Variants in ABCA3 observed in about 807,000 individuals in gnomAD.
ABCA3 encodes the protein ATP binding cassette subfamily A member 3.
Under a neutral mutation model 172.8 loss-of-function variants are expected in ABCA3, and 88 were observed. The ratio of observed to expected loss-of-function variants is 0.51; its 90% CI spans 0.43 to 0.61. The LOEUF (loss-of-function observed/expected upper bound fraction) is 0.61. Ranked by LOEUF, ABCA3 falls within the 20% of genes least tolerant of loss-of-function variation. ABCA3 has a pLI of 0.00. For synonymous variants in ABCA3, 1,066 were observed against 983.8 expected (o/e 1.08, Z -1.56); for missense variants, 2,164 against 2,301.0 (o/e 0.94, Z 1.22).
intron 1 of ABCA3, among the ~76,000 whole-genome samples, chr16:2,336,725 C>G (rs941886333): frequency 5.3e-5 from 8 of 151,564 alleles, no homozygotes; most frequent in Non-Finnish European, 1.0e-4. Context: ...CAGGCGTGAG[C>G]CACCTCGTCT....
rs2141693750 is a variant in ABCA3, at chr16:2,284,288, T to G, written c.3853A>C (p.Lys1285Gln). 1 of 1,613,504 alleles carries G rather than the reference T, an allele frequency of 6.2e-7. No individual in the cohort carries two copies. The highest frequency in any genetic ancestry group is 2.2e-5 in the East Asian group (1 of 44,864). ...GGGCTGGGACACTCACTATATTTCT[T>G]GCAGTAGTGGGCGGCGACCTCGGAG... ...TSSEVAAHYC[K>Q]KYNIQYQENF... Residue 1285 changes from lysine (K) to glutamine (Q), a missense_variant, in exon 25 of 33, where the codon AAG becomes CAG. By Grantham distance (53) the Lys-to-Gln change is moderately conservative. Around this residue, in one of 3 missense-constraint regions of ABCA3, gnomAD observed 795 missense variants for 881.9 expected, o/e 0.90. Transcript: ENST00000301732. The surrounding 1 kb of genome is among the most constrained non-coding windows in gnomAD (Gnocchi z 5.9).
rs531549739 is a variant in ABCA3 at position 2,301,124 on chromosome 16, G to C, written c.1468-976C>G. 2.7e-3 allele frequency among the ~76,000 whole-genome samples: 414 copies of C among 151,442 alleles called. 14 individuals carry two copies. Among genetic ancestry groups the C allele is most frequent in the African/African-American group, 9.3e-3 (381 of 40,968 alleles). ...TGGGCGCCTATAGTCCCAGCTACTC[G>C]GGAGGCTGAGGCAGGAGAATGGCGT... is the stretch of plus-strand genomic sequence containing the variant. On this transcript the variant is annotated intron_variant, in intron 12 of 32. Coordinates refer to ENST00000301732, the MANE Select transcript of ABCA3 (RefSeq NM_001089.3).
chr16:2,290,869 G>GT (rs1298734783), intron 19 of ABCA3, among the ~76,000 whole-genome samples: 1 of 152,054 alleles, frequency 6.6e-6, no homozygotes, highest in Non-Finnish European at 1.5e-5. Context: ...CCTATCTCAC[G>GT]TTTTTTTCTT....
chr16:2,309,193 G>A (rs1387048695), intron 10 of ABCA3, among the ~76,000 whole-genome samples: 1 of 152,058 alleles, frequency 6.6e-6, no homozygotes, highest in Non-Finnish European at 1.5e-5. Context: ...TGATCCACCG[G>A]CCTTGGCCTT....
rs752803983 is a variant in ABCA3 at position 2,324,426 on chromosome 16, C to T, written c.425G>A (p.Ser142Asn). The T allele has an allele frequency of 1.9e-6, 3 of 1,603,482 alleles. No individual in the cohort carries two copies. Among genetic ancestry groups the T allele is most frequent in the East Asian group, 2.2e-5 (1 of 44,724 alleles). ...CACCGCCAGCGGCAGGGGCTCCTTG[C>T]TGTGGTTGAAGGGGTGCTCGAAGAC... ...AVVFEHPFNH[S>N]KEPLPLAVKY... The change falls in exon 6 of 33, where the codon AGC becomes AAC. Residue 142 changes from serine to asparagine, a missense_variant. Physicochemically the swap from Ser to Asn is conservative, Grantham distance 46 (BLOSUM62 1). Around this residue, in one of 3 missense-constraint regions of ABCA3, gnomAD observed 1,343 missense variants for 1,369.6 expected, o/e 0.98. Transcript: ENST00000301732.
rs768467472 is a variant in ABCA3 at position 2,276,773 on chromosome 16, C to G, written c.5016G>C (p.Lys1672Asn). ...VFGILEKAKE[K>N]YGVDDYSVSQ... ...TCACGGAGTAGTCGTCCACGCCGTACTTTTCCTTGGCTTTCTCCAGAATAC... is the reference window on the plus strand; with the variant it reads ...TCACGGAGTAGTCGTCCACGCCGTAGTTTTCCTTGGCTTTCTCCAGAATAC... The change falls in exon 33 of 33, where the codon AAG (lysine) becomes AAC (asparagine). Residue 1672 changes from lysine (K) to asparagine (N), a missense_variant. Physicochemically the swap from Lys to Asn is moderately conservative, Grantham distance 94. This residue lies in a region of ABCA3 where 795 missense variants were observed against 881.9 expected (regional missense o/e 0.90). Transcript: ENST00000301732. 1 of 1,614,008 alleles carries G rather than the reference C, an allele frequency of 6.2e-7. No individual in the cohort carries two copies. Among genetic ancestry groups the G allele is most frequent in the South Asian group, 1.1e-5 (1 of 91,090 alleles).
chr16:2,286,964 T>C lies in ABCA3; in HGVS notation c.3008A>G (p.Asp1003Gly), dbSNP rs955263596. Residue 1003 changes from aspartate (D) to glycine (G), a missense_variant, in exon 22 of 33, where the codon GAC becomes GGC. Coordinates refer to ENST00000301732, the MANE Select transcript of ABCA3 (RefSeq NM_001089.3). The surrounding 1 kb of genome is among the most constrained non-coding windows in gnomAD (Gnocchi z 5.2). ...EGQEPREVLG[D>G]LEEFLIFRAS... ...CCTGAAGATCAAGAACTCCTCCAGG[T>C]CACCTGGGGAGCAATGGCAGAGTCA... is the stretch of plus-strand genomic sequence containing the variant. The C allele has an allele frequency of 1.2e-6, 2 of 1,612,836 alleles. No individual in the cohort carries two copies. The highest frequency in any genetic ancestry group is 1.1e-5 in the South Asian group (1 of 90,972).
chr16:2,276,507 C>T lies in ABCA3; in HGVS notation c.*167G>A. The T allele has an allele frequency of 8.8e-7, 1 of 1,140,546 alleles. No individual in the cohort carries two copies. The highest frequency in any genetic ancestry group is 1.2e-6 in the Non-Finnish European group (1 of 804,298). The allele number at this position is 1,140,546 out of a possible 1,614,324, so 70.7% of individuals were successfully genotyped here. A position where few individuals can be genotyped will look rare whatever the true frequency, so the allele number is the denominator to read the frequency against. On this transcript the variant is annotated 3_prime_UTR_variant, in exon 33 of 33. Coordinates refer to ENST00000301732, the MANE Select transcript of ABCA3 (RefSeq NM_001089.3). ...CGCATGCTGATCCTGGGCATGAGGG[C>T]TGGGCTGCACTCGTCCATTCTGTGC...
intron 19 of ABCA3, 71 bp from the exon 20 acceptor site, chr16:2,289,691 G>C (rs1164679909): frequency 3.4e-6 from 5 of 1,492,164 alleles, no homozygotes; most frequent in Non-Finnish European, 4.5e-6. Flanking sequence ...ACTATGGTTA[G>C]AGGCACTGAG....
rs1219111652 is a variant in ABCA3, at chr16:2,297,331, T to C, written c.2261A>G (p.Tyr754Cys). The change falls in exon 17 of 33, where the codon TAC becomes TGC. Residue 754 changes from tyrosine to cysteine, a missense_variant and splice_region_variant. Tyr to Cys is a radical substitution (Grantham distance 194). This residue lies in a region of ABCA3 where 1,343 missense variants were observed against 1,369.6 expected (regional missense o/e 0.98). Transcript: ENST00000301732. The surrounding 1 kb of genome is among the most constrained non-coding windows in gnomAD (Gnocchi z 5.6). ...CGCGGGCTGGCCCCACCGCTCACCG[T>C]ATTTCTGCTTGAGGAACAGCGAGGA... ...CGSSLFLKQKYGAGYHMTLVK... is the reference protein window; with the variant it reads ...CGSSLFLKQKCGAGYHMTLVK... 1 of 1,610,636 alleles carries C rather than the reference T, an allele frequency of 6.2e-7. No homozygotes were observed. Among genetic ancestry groups the C allele is most frequent in the Non-Finnish European group, 8.5e-7 (1 of 1,179,922 alleles).
At chr16:2,336,053 G>C (rs542033346) in intron 1 of ABCA3, among the ~76,000 whole-genome samples, 1 of 152,130 alleles carries the variant, frequency 6.6e-6, no homozygotes, top group Non-Finnish European at 1.5e-5. Flanking sequence ...AACGTAATCT[G>C]TCCCTTCAAA....
intron 9 of ABCA3, 116 bp downstream of exon 9, chr16:2,317,532 C>A (rs2093718119): frequency 1.3e-6 from 2 of 1,580,768 alleles, no homozygotes; most frequent in Admixed American, 1.7e-5. Context: ...TCCTCTCCCC[C>A]ATGAGGGACA....
chr16:2,294,268 C>T (rs995816364), intron 18 of ABCA3, among the ~76,000 whole-genome samples: 3 of 151,892 alleles, frequency 2.0e-5, no homozygotes, highest in East Asian at 1.9e-4. Context: ...CCTCATGGTC[C>T]GCCCGCCTTG....
At position 2,277,798 on chromosome 16, in the gene ABCA3, G is replaced by C; in HGVS notation, c.4909+81C>G. The C allele has an allele frequency of 6.3e-7, 1 of 1,594,546 alleles. No homozygotes were observed. Among genetic ancestry groups the C allele is most frequent in the Non-Finnish European group, 8.5e-7 (1 of 1,170,384 alleles). Reference sequence around the variant, plus strand: ...ATGGGACTTGGCGGGGCGAGGCACAGACGCTCCGCACAGCAGATGGGAGAG... The same window carrying C: ...ATGGGACTTGGCGGGGCGAGGCACACACGCTCCGCACAGCAGATGGGAGAG... On this transcript the variant is annotated intron_variant, in intron 31 of 32. Transcript: ENST00000301732. The surrounding 1 kb of genome is among the most constrained non-coding windows in gnomAD (Gnocchi z 5.3).
chr16:2,324,579 G>A (rs1011309765), intron 5 of ABCA3, 48 bp from the exon 6 acceptor site: 1 of 1,602,802 alleles, frequency 6.2e-7, no homozygotes, highest in Admixed American at 1.7e-5. Context: ...CGGCCCTCCT[G>A]CTTGAAAAAT....
intron 26 of ABCA3, among the ~76,000 whole-genome samples, chr16:2,282,529 G>A (rs1002872854): frequency 6.6e-6 from 1 of 152,264 alleles, no homozygotes; most frequent in African/African-American, 2.4e-5. Context: ...GTTTGAGGGA[G>A]GGGATGGAGA....
At chr16:2,327,115 AT>A (rs891626964) in intron 3 of ABCA3, among the ~76,000 whole-genome samples, 2 of 151,934 alleles carry the variant, frequency 1.3e-5, no homozygotes, top group Non-Finnish European at 2.9e-5. Context: ...AGTTTTTAAA[AT>A]TTTTTTTGTT....
intron 1 of ABCA3, among the ~76,000 whole-genome samples, chr16:2,333,712 G>A (rs562300319): frequency 2.3e-4 from 34 of 147,266 alleles, no homozygotes; most frequent in South Asian, 1.5e-3. Context: ...TTTTTGAGAC[G>A]GAGTCTCACT....
Position 2,326,234 on chromosome 16 carries a change from G to A in ABCA3, c.95C>T (p.Pro32Leu), listed in dbSNP as rs771082062. 67 of 1,613,758 alleles carry A rather than the reference G, an allele frequency of 4.2e-5. No homozygotes were observed. The highest frequency in any genetic ancestry group is 5.5e-5 in the Non-Finnish European group (65 of 1,180,046). The stretch of plus-strand genomic sequence containing the variant: ...GATGAGGATCCCAGAAAACAGCAAT[G>A]GCAGGAAGAGTTCCAGGACCGTCAC... ...VLVTVLELFL[P>L]LLFSGILIWL... The change falls in exon 5 of 33, where the codon CCA (proline) becomes CTA (leucine). Residue 32 changes from proline to leucine, a missense_variant. This residue lies in a region of ABCA3 where 1,343 missense variants were observed against 1,369.6 expected (regional missense o/e 0.98). Transcript: ENST00000301732.
Sources: gnomAD v4.1 joint callset for allele counts (sites outside exome capture counted in the v4.1 genomes callset) on GRCh38, gnomAD v4.1.1 for gene constraint, gnomAD v4.1.1 regional missense constraint, Gnocchi (gnomAD v3.1) non-coding constraint, MANE v1.5 for transcripts, NCBI Gene and HGNC (gene_info 2026-07-23, HGNC 2026-07-21) for gene names.